Variants in MACROD2 observed in about 807,000 individuals in gnomAD.
MACROD2 encodes the protein ADP-ribose glycohydrolase MACROD2.
A neutral mutation model predicts 70.4 loss-of-function variants in MACROD2; 36 were observed. The observed-to-expected ratio is 0.51, with a 90% CI of 0.39 to 0.68. The LOEUF (loss-of-function observed/expected upper bound fraction) is 0.68. Among genes scored for constraint, MACROD2 ranks in the 30% least tolerant of loss-of-function variants. The probability of loss-of-function intolerance (pLI) is 0.00; values close to 1 mark genes in which losing one functional copy is unlikely to be tolerated. For synonymous variants in MACROD2, 172 were observed against 178.8 expected (o/e 0.96, Z 0.30); for missense variants, 496 against 538.4 (o/e 0.92, Z 0.78).
At chr20:14,579,672 T>C (rs1761973177) in intron 4 of MACROD2, among the ~76,000 whole-genome samples, 1 of 152,232 alleles carries the variant, frequency 6.6e-6, no homozygotes, top group Middle Eastern at 3.2e-3. Context: ...AAATAAGTTA[T>C]ATTTTAAAAA....
intron 5 of MACROD2, among the ~76,000 whole-genome samples, chr20:14,736,206 C>G (rs1044928156): frequency 2.6e-5 from 4 of 152,108 alleles, no homozygotes; most frequent in Non-Finnish European, 4.4e-5. Context: ...AGAAACATTA[C>G]ACTAAGTGAA....
At chr20:14,120,915 G>T (rs1206999385) in intron 3 of MACROD2, among the ~76,000 whole-genome samples, 1 of 151,160 alleles carries the variant, frequency 6.6e-6, no homozygotes, top group Admixed American at 6.6e-5. Context: ...TATGGGTGGG[G>T]GGTGAGGGGA....
intron 8 of MACROD2, among the ~76,000 whole-genome samples, chr20:15,857,033 A>T (rs2064364689): frequency 6.6e-6 from 1 of 152,220 alleles, no homozygotes; most frequent in Non-Finnish European, 1.5e-5. Context: ...CACTGAAATG[A>T]TATTGAAGAT....
chr20:14,505,621 G>C (rs1340494858), intron 4 of MACROD2, among the ~76,000 whole-genome samples: 6 of 152,164 alleles, frequency 3.9e-5, no homozygotes, highest in Non-Finnish European at 5.9e-5. Flanking sequence ...TGCTTGGAGG[G>C]CTTGTTAAAA....
chr20:15,755,077 T>G (rs2051328741), intron 8 of MACROD2, among the ~76,000 whole-genome samples: 1 of 152,156 alleles, frequency 6.6e-6, no homozygotes, highest in African/African-American at 2.4e-5. Flanking sequence ...CGGGCTGGTC[T>G]TGAACTCCTA....
chr20:16,020,931 G>A (rs1413711332), intron 15 of MACROD2, among the ~76,000 whole-genome samples: 3 of 152,144 alleles, frequency 2.0e-5, no homozygotes, highest in African/African-American at 7.2e-5. Context: ...GAAGCACAGT[G>A]TTTGAAGTGT....
intron 7 of MACROD2, among the ~76,000 whole-genome samples, chr20:15,467,094 G>A (rs1600453726): frequency 6.6e-6 from 1 of 152,164 alleles, no homozygotes; most frequent in Non-Finnish European, 1.5e-5. Context: ...GCTCTATGAA[G>A]GCATTCTCTG....
At chr20:14,564,088 C>T (rs1979618454) in intron 4 of MACROD2, among the ~76,000 whole-genome samples, 1 of 151,800 alleles carries the variant, frequency 6.6e-6, no homozygotes, top group African/African-American at 2.4e-5. Flanking sequence ...CAGATATACA[C>T]TGGGGAATGA....
intron 5 of MACROD2, among the ~76,000 whole-genome samples, chr20:14,715,731 C>T (rs1037365943): frequency 6.6e-6 from 1 of 152,084 alleles, no homozygotes; most frequent in Non-Finnish European, 1.5e-5. Flanking sequence ...CAGATTTTAA[C>T]GTGAGGCTTA....
chr20:15,177,925 T>C (rs2076474099), intron 5 of MACROD2, among the ~76,000 whole-genome samples: 1 of 151,662 alleles, frequency 6.6e-6, no homozygotes. Context: ...TATCCTGGTA[T>C]AATGAAAAAT....
intron 5 of MACROD2, among the ~76,000 whole-genome samples, chr20:15,217,449 G>A (rs1411048022): frequency 6.6e-6 from 1 of 152,180 alleles, no homozygotes; most frequent in Non-Finnish European, 1.5e-5. Flanking sequence ...GTGAGTGAGT[G>A]GAGTGTGCTG....
intron 12 of MACROD2, among the ~76,000 whole-genome samples, chr20:15,950,950 G>A (rs960647625): frequency 2.0e-4 from 31 of 151,970 alleles, no homozygotes; most frequent in Non-Finnish European, 4.0e-4. Context: ...CCCCTTTTTT[G>A]TTGGTAGAAC....
chr20:15,662,719 T>C (rs2049838958), intron 8 of MACROD2, among the ~76,000 whole-genome samples: 1 of 152,032 alleles, frequency 6.6e-6, no homozygotes, highest in African/African-American at 2.4e-5. Flanking sequence ...GAGAGGGTTT[T>C]TTTTTTTTCT....
intron 3 of MACROD2, among the ~76,000 whole-genome samples, chr20:14,257,007 A>G (rs964713747): frequency 1.3e-5 from 2 of 152,174 alleles, no homozygotes; most frequent in African/African-American, 4.8e-5. Flanking sequence ...GTTTGGTTCT[A>G]TGCTTCTTAG....
chr20:16,048,938 G>A (rs1170820259), intron 17 of MACROD2, among the ~76,000 whole-genome samples: 5 of 152,130 alleles, frequency 3.3e-5, no homozygotes, highest in African/African-American at 1.2e-4. Flanking sequence ...ACTTTAAAAA[G>A]TGACATATAC....
At chr20:14,595,215 T>A (rs1243298776) in intron 4 of MACROD2, among the ~76,000 whole-genome samples, 2 of 152,012 alleles carry the variant, frequency 1.3e-5, no homozygotes, top group Non-Finnish European at 2.9e-5. Context: ...AGCCCGGGGG[T>A]CCTTGTCACA....
rs557444633 is a variant in MACROD2, at chr20:15,633,601, T to A, written c.645+133754T>A. Among the ~76,000 whole-genome samples, 3 of 152,294 alleles carry A rather than the reference T, an allele frequency of 2.0e-5. No homozygotes were observed. The South Asian group carries it at 6.2e-4, about 32-fold the overall frequency. ...TTTTTCTGAACACTTCATGTGTATT[T>A]ACCATTCCACTGTCATGATCTGGTT... On this transcript the variant is annotated intron_variant, in intron 8 of 17. Coordinates refer to ENST00000684519, the MANE Select transcript of MACROD2 (RefSeq NM_001351661.2).
At chr20:14,623,628 C>T (rs1055474038) in intron 4 of MACROD2, among the ~76,000 whole-genome samples, 2 of 151,994 alleles carry the variant, frequency 1.3e-5, no homozygotes, top group African/African-American at 4.8e-5. Flanking sequence ...AACAGATGGT[C>T]GTGTTCTGGA....
chr20:14,999,388 A>G (rs1284596813), intron 5 of MACROD2, among the ~76,000 whole-genome samples: 1 of 152,238 alleles, frequency 6.6e-6, no homozygotes, highest in Non-Finnish European at 1.5e-5. Flanking sequence ...GCCAGGTGCC[A>G]TGACTCACAC....
Sources: gnomAD v4.1 joint callset for allele counts (sites outside exome capture counted in the v4.1 genomes callset) on GRCh38, gnomAD v4.1.1 for gene constraint, MANE v1.5 for transcripts, NCBI Gene and HGNC (gene_info 2026-07-23, HGNC 2026-07-21) for gene names.